CLIC4: variants seen among roughly 807,000 people sequenced by gnomAD.
CLIC4 encodes CLIC family member 4.
In CLIC4, 13 loss-of-function variants were observed where a neutral mutation model predicts 24.6. That is an observed-to-expected ratio of 0.53 (90% confidence interval 0.34 to 0.84). The LOEUF is 0.84. CLIC4 is among the 40% of genes least tolerant of loss of function. The pLI is 0.01. For missense variants in CLIC4, 227 were observed against 301.7 expected (o/e 0.75, Z 1.83); for synonymous variants, 104 against 111.3 (o/e 0.93, Z 0.41).
chr1:24,805,102 A>AAC (rs753746463), intron 2 of CLIC4, among the ~76,000 whole-genome samples: 9,884 of 139,418 alleles, frequency 0.071, 683 homozygotes, highest in South Asian at 0.11. Flanking sequence ...AAAAAAAAAA[A>AAC]AAACACAAAA....
intron 2 of CLIC4, among the ~76,000 whole-genome samples, chr1:24,800,589 G>A (rs540668285): frequency 2.8e-4 from 43 of 152,342 alleles, no homozygotes; most frequent in Non-Finnish European, 6.2e-4. Flanking sequence ...TTGAGAATGG[G>A]CCAGGATGAC....
chr1:24,830,323 A>G (rs1639827346), intron 4 of CLIC4, among the ~76,000 whole-genome samples: 1 of 152,084 alleles, frequency 6.6e-6, no homozygotes, highest in African/African-American at 2.4e-5. Flanking sequence ...TATACTTTTC[A>G]CTTATATGGT....
intron 1 of CLIC4, among the ~76,000 whole-genome samples, chr1:24,795,863 C>T (rs887518057): frequency 1.3e-5 from 2 of 152,208 alleles, no homozygotes; most frequent in African/African-American, 2.4e-5. Context: ...CCACTGCGCC[C>T]AGCCAGGATA....
chr1:24,771,151 C>T (rs1571235733), intron 1 of CLIC4, among the ~76,000 whole-genome samples: 4 of 152,106 alleles, frequency 2.6e-5, no homozygotes, highest in South Asian at 4.1e-4. Flanking sequence ...ACATCTGTGG[C>T]GCATCTTACT....
intron 2 of CLIC4, among the ~76,000 whole-genome samples, chr1:24,800,893 T>TA (rs1455580553): frequency 3.2e-5 from 3 of 94,698 alleles, no homozygotes; most frequent in African/African-American, 1.2e-4. Context: ...TCATCACCAC[T>TA]CCCTAATCTC....
At chr1:24,795,001 A>G (rs1639382513) in intron 1 of CLIC4, among the ~76,000 whole-genome samples, 2 of 152,174 alleles carry the variant, frequency 1.3e-5, no homozygotes, top group Admixed American at 1.3e-4. Flanking sequence ...AGATGGTTAT[A>G]GGTGTGTGGC....
chr1:24,814,966 T>G (rs1445820359), intron 3 of CLIC4, among the ~76,000 whole-genome samples: 2 of 152,166 alleles, frequency 1.3e-5, no homozygotes, highest in Admixed American at 6.5e-5. Flanking sequence ...ATGGGATTAT[T>G]GAGATGGAGG....
intron 1 of CLIC4, among the ~76,000 whole-genome samples, chr1:24,747,097 T>G (rs987012681): frequency 7.8e-6 from 1 of 128,656 alleles, no homozygotes; most frequent in Non-Finnish European, 1.6e-5. Context: ...AATTTTCGAT[T>G]TTTTTTTTTT....
In CLIC4 at chr1:24,799,229, A is replaced by G. The variant is rs189155598; in HGVS notation, c.182+1378A>G. Among the ~76,000 whole-genome samples, 897 of 148,494 alleles carry G rather than the reference A, an allele frequency of 6.0e-3. 8 individuals carry two copies. The highest frequency in any genetic ancestry group is 0.021 in the African/African-American group (842 of 39,774). On this transcript the variant is annotated intron_variant, in intron 2 of 5. Coordinates refer to ENST00000374379, the MANE Select transcript of CLIC4 (RefSeq NM_013943.3). ...GGCGCCTCTTCCCGGCTGCCATCAC[A>G]TCTAGGAAGTGAGGAGCGTCTCTGC...
chr1:24,828,291 C>T (rs1639806748), intron 4 of CLIC4, among the ~76,000 whole-genome samples: 1 of 151,996 alleles, frequency 6.6e-6, no homozygotes, highest in African/African-American at 2.4e-5. Flanking sequence ...TGTTAGTGCT[C>T]AGGTCTGGCT....
chr1:24,785,872 A>AAAAAG (rs1283119872), intron 1 of CLIC4, among the ~76,000 whole-genome samples: 1 of 150,722 alleles, frequency 6.6e-6, no homozygotes, highest in African/African-American at 2.4e-5. Flanking sequence ...AAAAAAAAAA[A>AAAAAG]AAAAGAAAAG....
At chr1:24,806,925 G>T (rs1639556619) in intron 2 of CLIC4, among the ~76,000 whole-genome samples, 1 of 152,106 alleles carries the variant, frequency 6.6e-6, no homozygotes, top group Non-Finnish European at 1.5e-5. Context: ...TTCCATTTGG[G>T]ACTTCAAGCC....
intron 4 of CLIC4, among the ~76,000 whole-genome samples, chr1:24,827,381 T>C (rs1571264508): frequency 1.3e-5 from 2 of 152,176 alleles, no homozygotes; most frequent in South Asian, 4.1e-4. Context: ...TTTCATCTTA[T>C]TTTGAGAAGT....
At chr1:24,785,923 T>TG (rs1639263141) in intron 1 of CLIC4, among the ~76,000 whole-genome samples, 1 of 149,312 alleles carries the variant, frequency 6.7e-6, no homozygotes, top group African/African-American at 2.5e-5. Context: ...AGAAGCCAGA[T>TG]GACTTTGCCC....
chr1:24,745,933 T>TGCCCCGGG (rs1482285948), intron 1 of CLIC4, among the ~76,000 whole-genome samples: 1 of 150,356 alleles, frequency 6.7e-6, no homozygotes, highest in Non-Finnish European at 1.5e-5. Context: ...GGGACTTGCC[T>TGCCCCGGG]GCCCCGGGGC....
chr1:24,768,484 G>C (rs773635983), intron 1 of CLIC4, among the ~76,000 whole-genome samples: 10 of 151,986 alleles, frequency 6.6e-5, no homozygotes, highest in African/African-American at 2.4e-4. Context: ...TTGAGATAGT[G>C]TAGATCTACA....
chr1:24,764,919 T>C (rs1638974272), intron 1 of CLIC4, among the ~76,000 whole-genome samples: 1 of 152,198 alleles, frequency 6.6e-6, no homozygotes, highest in African/African-American at 2.4e-5. Flanking sequence ...TAAACATGTC[T>C]TTACTAAGTG....
chr1:24,807,504 A>G (rs942329041), intron 2 of CLIC4, among the ~76,000 whole-genome samples: 4 of 152,096 alleles, frequency 2.6e-5, no homozygotes, highest in Admixed American at 2.6e-4. Flanking sequence ...TCTTTCCCCT[A>G]TTGGCTAGGG....
chr1:24,782,968 A>G (rs1196077742), intron 1 of CLIC4, among the ~76,000 whole-genome samples: 1 of 152,164 alleles, frequency 6.6e-6, no homozygotes, highest in Non-Finnish European at 1.5e-5. Flanking sequence ...CAGCAGAGCA[A>G]GACCCTGTCT....
Sources: gnomAD v4.1 joint callset for allele counts (sites outside exome capture counted in the v4.1 genomes callset) on GRCh38, gnomAD v4.1.1 for gene constraint, MANE v1.5 for transcripts, NCBI Gene and HGNC (gene_info 2026-07-23, HGNC 2026-07-21) for gene names.